GPN3: variants seen among roughly 807,000 people sequenced by gnomAD.
The protein encoded by GPN3 is ATP-binding domain 1 family member C.
Under a neutral mutation model 38.7 loss-of-function variants are expected in GPN3, and 31 were observed. The ratio of observed to expected loss-of-function variants is 0.80; its 90% CI spans 0.60 to 1.08. The LOEUF (loss-of-function observed/expected upper bound fraction) is 1.08. GPN3 is among the 50% of genes least tolerant of loss of function. The probability of loss-of-function intolerance (pLI) is 0.00; values close to 1 mark genes in which losing one functional copy is unlikely to be tolerated. For synonymous variants in GPN3, 116 were observed against 120.2 expected (o/e 0.96, Z 0.23); for missense variants, 301 against 354.4 (o/e 0.85, Z 1.21).
At chr12:110,462,527 C>G (rs747473886) in intron 2 of GPN3, among the ~76,000 whole-genome samples, 1 of 152,188 alleles carries the variant, frequency 6.6e-6, no homozygotes, top group Non-Finnish European at 1.5e-5. Flanking sequence ...ACATCTCCAC[C>G]GTGACCACCC....
rs146656262 is a variant in GPN3, at chr12:110,465,255, G to A, written c.49-41C>T. On this transcript the variant is annotated intron_variant, in intron 1 of 7. Transcript: ENST00000228827. Reference sequence around the variant, plus strand: ...GCATGAGAGGTTAAAGCAACAGGTAGTGTAGTGCTACCTTCCATACTCTGG... The same window carrying A: ...GCATGAGAGGTTAAAGCAACAGGTAATGTAGTGCTACCTTCCATACTCTGG... 263 of 1,086,436 alleles carry A rather than the reference G, an allele frequency of 2.4e-4. No homozygotes were observed. The African/African-American group carries it at 3.5e-3, about 14-fold the overall frequency. The allele number at this position is 1,086,436 out of a possible 1,614,324, so 67.3% of individuals were successfully genotyped here.
Position 110,460,560 on chromosome 12 carries a change from G to C in GPN3, c.158-698C>G, listed in dbSNP as rs188518162. On this transcript the variant is annotated intron_variant, in intron 2 of 7. Transcript: ENST00000228827. ...TATCAAAATCACCATCAGGGGCTGG[G>C]TGCGGTGACTCCTGCCTGTAATCCC... 6.9e-3 allele frequency among the ~76,000 whole-genome samples: 1,044 copies of C among 152,290 alleles called. 1 individual carries two copies. Among genetic ancestry groups the C allele is most frequent in the Non-Finnish European group, 9.4e-3 (639 of 68,034 alleles).
At position 110,458,610 on chromosome 12, in the gene GPN3, G is replaced by A. The variant is rs1489542993; in HGVS notation, c.326-976C>T. The stretch of plus-strand genomic sequence containing the variant: ...AGCCTGGCCAACACAGTGAAACCCT[G>A]TCTCTACTAAAAATACAAAAATAGC... On this transcript the variant is annotated intron_variant, in intron 3 of 7. Coordinates refer to ENST00000228827, the MANE Select transcript of GPN3 (RefSeq NM_016301.4). This position sits in a 1 kb window ranked among gnomAD's most constrained non-coding sequence, Gnocchi z 4.4. Among the ~76,000 whole-genome samples the A allele has an allele frequency of 3.3e-5, 5 of 151,950 alleles. No individual in the cohort carries two copies. The highest frequency in any genetic ancestry group is 6.6e-5 in the Admixed American group (1 of 15,240).
chr12:110,465,040 A>G (rs2062617279), intron 2 of GPN3, 66 bp downstream of exon 2: 1 of 824,418 alleles, frequency 1.2e-6, no homozygotes, highest in African/African-American at 1.7e-5. Context: ...CTAAGCAGCT[A>G]GTACTCACTG....
At chr12:110,459,579 C>T (rs1192917610) in intron 3 of GPN3, 116 bp downstream of exon 3, 4 of 760,014 alleles carry the variant, frequency 5.3e-6, no homozygotes, top group African/African-American at 1.7e-5. Context: ...ATTGAATAAG[C>T]TTGGTACTTT....
At chr12:110,467,914 T>C (rs1484910043) in intron 1 of GPN3, among the ~76,000 whole-genome samples, 1 of 152,202 alleles carries the variant, frequency 6.6e-6, no homozygotes, top group Non-Finnish European at 1.5e-5. Context: ...AGGGTTGTTG[T>C]AGAAATAAGC....
intron 2 of GPN3, among the ~76,000 whole-genome samples, chr12:110,464,372 T>C (rs2062612174): frequency 6.6e-6 from 1 of 152,096 alleles, no homozygotes; most frequent in Non-Finnish European, 1.5e-5. Context: ...AGGGTTGGTG[T>C]GGGCAGGGAT....
intron 2 of GPN3, among the ~76,000 whole-genome samples, chr12:110,460,687 C>G (rs2062580402): frequency 1.3e-5 from 2 of 152,096 alleles, no homozygotes; most frequent in Non-Finnish European, 2.9e-5. Context: ...AGAAATTAGG[C>G]TGGGCATGGT....
chr12:110,457,455 CACAAA>C, intron 4 of GPN3, 50 bp downstream of exon 4: 2 of 1,163,550 alleles, frequency 1.7e-6, no homozygotes, highest in East Asian at 3.2e-5. Flanking sequence ...CTGTCACACA[CACAAA>C]AAAAAAAAAA....
chr12:110,463,491 C>G (rs542783573), intron 2 of GPN3, among the ~76,000 whole-genome samples: 16 of 150,526 alleles, frequency 1.1e-4, no homozygotes, highest in Non-Finnish European at 1.9e-4. Context: ...AAAAAAAGGC[C>G]GGATGCAGTG....
intron 4 of GPN3, among the ~76,000 whole-genome samples, chr12:110,456,691 C>CTTT (rs61183219): frequency 1.4e-5 from 2 of 141,340 alleles, no homozygotes; most frequent in African/African-American, 2.6e-5. Context: ...ACTACTTCCT[C>CTTT]TTTTTTTTTT....
chr12:110,455,526 C>G (rs763526943), intron 6 of GPN3, 60 bp downstream of exon 6: 3 of 742,936 alleles, frequency 4.0e-6, no homozygotes, highest in Non-Finnish European at 7.2e-6. Flanking sequence ...TGCCAAAGTG[C>G]TAGGGTTACA....
intron 6 of GPN3, among the ~76,000 whole-genome samples, chr12:110,454,258 C>G (rs750960607): frequency 6.6e-6 from 1 of 152,202 alleles, no homozygotes; most frequent in Non-Finnish European, 1.5e-5. Flanking sequence ...GACCAGCCCA[C>G]AGCCCTTTTC....
intron 1 of GPN3, among the ~76,000 whole-genome samples, chr12:110,466,591 G>T (rs908596763): frequency 6.6e-6 from 1 of 151,134 alleles, no homozygotes; most frequent in Non-Finnish European, 1.5e-5. Flanking sequence ...TTTGACCCAG[G>T]CTCAAGCGAT....
chr12:110,458,317 C>T lies in GPN3; in HGVS notation c.326-683G>A, dbSNP rs150760392. 2.4e-4 allele frequency among the ~76,000 whole-genome samples: 36 copies of T among 151,872 alleles called. No individual in the cohort carries two copies. The highest frequency in any genetic ancestry group is 7.7e-4 in the African/African-American group (32 of 41,398). On this transcript the variant is annotated intron_variant, in intron 3 of 7. Coordinates refer to ENST00000228827, the MANE Select transcript of GPN3 (RefSeq NM_016301.4). This position sits in a 1 kb window ranked among gnomAD's most constrained non-coding sequence, Gnocchi z 4.4. ...GCAATATAGTGAGATCCTATCTCTA[C>T]AAAAATAAATAAATAAGTGCTACAA...
chr12:110,456,550 A>G (rs138554635), intron 4 of GPN3, among the ~76,000 whole-genome samples: 2 of 152,262 alleles, frequency 1.3e-5, no homozygotes, highest in African/African-American at 2.4e-5. Flanking sequence ...TTCCTTTCCC[A>G]TCTAATATTC....
chr12:110,462,802 G>T (rs948504740), intron 2 of GPN3, among the ~76,000 whole-genome samples: 2 of 152,162 alleles, frequency 1.3e-5, no homozygotes, highest in Middle Eastern at 6.8e-3. Flanking sequence ...TGTTGCCCAG[G>T]CTGGAGTTCA....
At chr12:110,455,399 A>G (rs1157816675) in intron 6 of GPN3, among the ~76,000 whole-genome samples, 187 bp downstream of exon 6, 1 of 151,938 alleles carries the variant, frequency 6.6e-6, no homozygotes, top group Non-Finnish European at 1.5e-5. Flanking sequence ...AAGTGCTAGG[A>G]TTACAGGTGT....
At chr12:110,460,870 A>G (rs1302264014) in intron 2 of GPN3, 5 of 639,732 alleles carry the variant, frequency 7.8e-6, no homozygotes, top group African/African-American at 7.3e-5. Context: ...AGGCTGAGGC[A>G]GGAGAATCAC....
Sources: allele counts gnomAD v4.1 joint callset (sites outside exome capture counted in the v4.1 genomes callset), GRCh38; gene constraint gnomAD v4.1.1; non-coding constraint Gnocchi (gnomAD v3.1); transcripts MANE v1.5; gene names NCBI Gene and HGNC (gene_info 2026-07-23, HGNC 2026-07-21).